Variants in NEK3 observed in about 807,000 individuals in gnomAD.
The protein encoded by NEK3 is NIMA related kinase 3.
Under a neutral mutation model 66.0 loss-of-function variants are expected in NEK3, and 54 were observed. The observed-to-expected ratio is 0.82, with a 90% confidence interval of 0.66 to 1.03. The LOEUF (loss-of-function observed/expected upper bound fraction) is 1.03. NEK3 is among the 50% of genes least tolerant of loss of function. The pLI is 0.00. For synonymous variants in NEK3, 200 were observed against 206.2 expected, an observed-to-expected ratio of 0.97 and a Z score of 0.26; for missense variants, 593 against 603.0, an observed-to-expected ratio of 0.98 and a Z score of 0.17.
chr13:52,156,721 A>G (rs1008307880), intron 1 of NEK3: 2 of 152,516 alleles, frequency 1.3e-5, no homozygotes, highest in African/African-American at 2.4e-5. Flanking sequence ...TTAAAATGGC[A>G]TATGAGCCCC....
In NEK3 at chr13:52,151,173, C is replaced by G. The variant is rs1360707983; in HGVS notation, c.521G>C (p.Trp174Ser). ...GTPYYVPPEIWENLPYNNKSD... is the reference protein window; with the variant it reads ...GTPYYVPPEISENLPYNNKSD... ...TTTATTGTTATAAGGCAGGTTTTCC[C>G]AAATTTCTGGAGGCACATAATAAGG... is the stretch of plus-strand genomic sequence containing the variant. The change falls in exon 7 of 16, where the codon TGG becomes TCG. Residue 174 changes from tryptophan (W) to serine (S), a missense_variant. Coordinates refer to ENST00000610828, the MANE Select transcript of NEK3 (RefSeq NM_002498.3). 2 of 1,609,746 alleles carry G rather than the reference C, an allele frequency of 1.2e-6. No homozygotes were observed. Among genetic ancestry groups the G allele is most frequent in the Admixed American group, 1.7e-5 (1 of 59,426 alleles).
chr13:52,149,365 C>A (rs1956320410), intron 7 of NEK3, among the ~76,000 whole-genome samples: 1 of 152,150 alleles, frequency 6.6e-6, no homozygotes, highest in African/African-American at 2.4e-5. Flanking sequence ...CACACACCAC[C>A]AGGCCCAGCT....
At chr13:52,148,077 A>G (rs1956309059) in intron 8 of NEK3, 1 of 189,182 alleles carries the variant, frequency 5.3e-6, no homozygotes, top group Non-Finnish European at 1.1e-5. Context: ...AATGTAATTA[A>G]TGACAATGAA....
chr13:52,135,508 A>C (rs1956195913), intron 14 of NEK3, among the ~76,000 whole-genome samples: 1 of 152,196 alleles, frequency 6.6e-6, no homozygotes. Flanking sequence ...TTTGAAATCA[A>C]AGCGTTTCTG....
chr13:52,154,184 AT>A lies in NEK3; in HGVS notation c.118-12del. The stretch of plus-strand genomic sequence containing the variant: ...TGTATTAGAGAAAGACTAGAAAAAC[AT>A]TTTAAATAAGCATAAACTTAATACT... On this transcript the variant is annotated splice_polypyrimidine_tract_variant and intron_variant, in intron 2 of 15. Transcript: ENST00000610828. 1 of 1,524,472 alleles carries A rather than the reference AT, an allele frequency of 6.6e-7. No individual in the cohort carries two copies. The highest frequency in any genetic ancestry group is 9.0e-7 in the Non-Finnish European group (1 of 1,112,860). The allele number at this position is 1,524,472 out of a possible 1,614,324, so 94.4% of individuals were successfully genotyped here.
intron 11 of NEK3, among the ~76,000 whole-genome samples, chr13:52,140,107 T>A: frequency 6.9e-6 from 1 of 145,764 alleles, no homozygotes. Context: ...CCCAGATACT[T>A]GGGAGGCTGA....
At chr13:52,151,429 A>G (rs1390473725) in intron 5 of NEK3, 37 bp from the exon 6 acceptor site, 33 of 1,521,162 alleles carry the variant, frequency 2.2e-5, no homozygotes, top group Non-Finnish European at 2.9e-5. Context: ...TATGTCTTCT[A>G]TCATCAAACA....
At chr13:52,133,942 T>C (rs1440037806) in intron 14 of NEK3, 127 bp from the exon 15 acceptor site, 8 of 922,192 alleles carry the variant, frequency 8.7e-6, no homozygotes, top group African/African-American at 1.7e-5. Context: ...TCTTTTGTAG[T>C]GTCTCCCCAC....
At chr13:52,141,637 A>C (rs1402148962) in intron 10 of NEK3, among the ~76,000 whole-genome samples, 1 of 152,194 alleles carries the variant, frequency 6.6e-6, no homozygotes, top group Non-Finnish European at 1.5e-5. Flanking sequence ...TGAGAATACA[A>C]GAGTGAGCAA....
chr13:52,135,957 T>G (rs765174712), intron 13 of NEK3, 94 bp from the exon 14 acceptor site: 13 of 1,514,068 alleles, frequency 8.6e-6, no homozygotes, highest in African/African-American at 8.3e-5. Context: ...TTAGTTATAT[T>G]TGACTGTTAA....
intron 8 of NEK3, among the ~76,000 whole-genome samples, chr13:52,146,158 T>C (rs1256865216): frequency 6.6e-6 from 1 of 152,234 alleles, no homozygotes; most frequent in Non-Finnish European, 1.5e-5. Flanking sequence ...AAGGCTATGA[T>C]AGATGTTAAT....
rs1371790857 is a variant in NEK3 at position 52,153,890 on chromosome 13, C to G, written c.309+5G>C. On this transcript the variant is annotated splice_donor_5th_base_variant and intron_variant, in intron 4 of 15. Transcript: ENST00000610828. ...TGAGAGAAACTATGTAAGTCAATCTCTTACCATGTCTTCAGGAAATAACTT... is the reference window on the plus strand; with the variant it reads ...TGAGAGAAACTATGTAAGTCAATCTGTTACCATGTCTTCAGGAAATAACTT... The G allele has an allele frequency of 6.3e-7, 1 of 1,593,896 alleles. No individual in the cohort carries two copies. The highest frequency in any genetic ancestry group is 1.7e-5 in the Admixed American group (1 of 59,956).
At chr13:52,148,203 T>C in intron 8 of NEK3, 1 of 407,374 alleles carries the variant, frequency 2.5e-6, no homozygotes, top group Admixed American at 4.1e-5. Flanking sequence ...GAGAGAAAGG[T>C]TATGTATTGC....
At chr13:52,144,135 C>T (rs1024994256) in intron 9 of NEK3, 148 bp from the exon 10 acceptor site, 7 of 558,160 alleles carry the variant, frequency 1.3e-5, no homozygotes, top group Admixed American at 3.6e-5. Flanking sequence ...ACATACAGGC[C>T]GGGCATGGTG....
chr13:52,134,849 A>G (rs1177040815), intron 14 of NEK3, among the ~76,000 whole-genome samples: 1 of 152,322 alleles, frequency 6.6e-6, no homozygotes, highest in East Asian at 1.9e-4. Context: ...ACAGGGCACT[A>G]TAATTCTTTA....
intron 7 of NEK3, among the ~76,000 whole-genome samples, chr13:52,149,101 G>A (rs1340471296): frequency 6.6e-6 from 1 of 151,320 alleles, no homozygotes; most frequent in Non-Finnish European, 1.5e-5. Context: ...GGGTTTCACC[G>A]TGTTAGCCAG....
chr13:52,133,615 TCACACACACACACA>T (rs3831081), intron 15 of NEK3, 60 bp downstream of exon 15: 6 of 1,309,392 alleles, frequency 4.6e-6, no homozygotes, highest in African/African-American at 1.5e-5. Context: ...CTAATTTAAA[TCACACACACACACA>T]CACACACACA....
chr13:52,139,535 C>T (rs2138193127), intron 11 of NEK3, among the ~76,000 whole-genome samples: 1 of 152,212 alleles, frequency 6.6e-6, no homozygotes, highest in East Asian at 1.9e-4. Context: ...TAATTAACAC[C>T]ACTCAATTGT....
At chr13:52,150,412 A>G (rs1956333608) in intron 7 of NEK3, among the ~76,000 whole-genome samples, 1 of 152,162 alleles carries the variant, frequency 6.6e-6, no homozygotes, top group Non-Finnish European at 1.5e-5. Flanking sequence ...CTATAATATA[A>G]AACGACTAAA....
Sources: gnomAD v4.1 joint callset for allele counts (sites outside exome capture counted in the v4.1 genomes callset) on GRCh38, gnomAD v4.1.1 for gene constraint, MANE v1.5 for transcripts, NCBI Gene and HGNC (gene_info 2026-07-23, HGNC 2026-07-21) for gene names.